JPH2: variants seen among roughly 807,000 people sequenced by gnomAD.
JPH2 encodes the protein junctophilin 2.
Under a neutral mutation model 55.9 loss-of-function variants are expected in JPH2, and 38 were observed. That is an observed-to-expected ratio of 0.68 (90% CI 0.52 to 0.89). The LOEUF (loss-of-function observed/expected upper bound fraction) is 0.89. JPH2 is among the 40% of genes least tolerant of loss of function. The pLI is 0.00. For missense variants in JPH2, 964 were observed against 1,037.6 expected (o/e 0.93, Z 0.97); for synonymous variants, 480 against 472.4 (o/e 1.02, Z -0.21).
intron 2 of JPH2, among the ~76,000 whole-genome samples, chr20:44,154,465 T>A (rs2072551443): frequency 2.0e-5 from 3 of 152,254 alleles, no homozygotes; most frequent in Admixed American, 2.0e-4. Context: ...AGTAGCCATG[T>A]ATGGCAAGTG....
intron 2 of JPH2, among the ~76,000 whole-genome samples, chr20:44,124,646 T>A (rs2072263024): frequency 6.7e-6 from 1 of 149,828 alleles, no homozygotes; most frequent in Non-Finnish European, 1.5e-5. Flanking sequence ...AGATCCCAAC[T>A]CTATCTTAAA....
At chr20:44,156,007 G>A (rs569510475) in intron 2 of JPH2, among the ~76,000 whole-genome samples, 1 of 151,208 alleles carries the variant, frequency 6.6e-6, no homozygotes. Flanking sequence ...CTGCACTCCA[G>A]CCTGGGCAAC....
At chr20:44,139,095 A>G (rs1176850633) in intron 2 of JPH2, among the ~76,000 whole-genome samples, 1 of 152,154 alleles carries the variant, frequency 6.6e-6, no homozygotes, top group Non-Finnish European at 1.5e-5. Context: ...ATAGCTGCCC[A>G]TGACTGGGAC....
At chr20:44,156,258 T>C (rs1306548627) in intron 2 of JPH2, among the ~76,000 whole-genome samples, 3 of 152,220 alleles carry the variant, frequency 2.0e-5, no homozygotes, top group African/African-American at 7.2e-5. Context: ...AAATGTATTA[T>C]GATAACGTAA....
At chr20:44,177,118 T>C in intron 1 of JPH2, 2 of 985,282 alleles carry the variant, frequency 2.0e-6, no homozygotes, top group Non-Finnish European at 2.4e-6. Flanking sequence ...AAGCAGGGAG[T>C]GAAAGTTACA....
rs1178090276 is a variant in JPH2, at chr20:44,159,676, C to T, written c.1111G>A (p.Glu371Lys). The T allele has an allele frequency of 6.2e-7, 1 of 1,612,166 alleles. No individual in the cohort carries two copies. Among genetic ancestry groups the T allele is most frequent in the Admixed American group, 1.7e-5 (1 of 60,016 alleles). Reference sequence around the variant, plus strand: ...ATAGCAGCGGCGCGCTGGGCACCCTCCACACTGTGCTCCACTTTCTGGCGG... The same window carrying T: ...ATAGCAGCGGCGCGCTGGGCACCCTTCACACTGTGCTCCACTTTCTGGCGG... ...KVRQKVEHSV[E>K]GAQRAAAIAR... Residue 371 changes from glutamate (E) to lysine (K), a missense_variant, in exon 2 of 6, where the codon GAG (glutamate) becomes AAG (lysine). Transcript: ENST00000372980. This position sits in a 1 kb window ranked among gnomAD's most constrained non-coding sequence, Gnocchi z 5.7.
At chr20:44,131,193 T>G (rs939606460) in intron 2 of JPH2, among the ~76,000 whole-genome samples, 10 of 152,192 alleles carry the variant, frequency 6.6e-5, no homozygotes, top group Admixed American at 1.3e-4. Flanking sequence ...GACTGTGACT[T>G]CTCTCTTGCC....
intron 4 of JPH2, 30 bp from the exon 5 acceptor site, chr20:44,114,906 T>A (rs774948083): frequency 5.8e-6 from 9 of 1,555,962 alleles, no homozygotes; most frequent in Non-Finnish European, 7.9e-6. Flanking sequence ...GCTTCCTGAG[T>A]CCCCATGGCC....
At chr20:44,171,051 G>A (rs982871121) in intron 1 of JPH2, among the ~76,000 whole-genome samples, 2 of 152,122 alleles carry the variant, frequency 1.3e-5, no homozygotes, top group Admixed American at 6.6e-5. Context: ...TTCATAAGAT[G>A]CAACTCTCAG....
At chr20:44,158,396 T>C (rs1002372346) in intron 2 of JPH2, among the ~76,000 whole-genome samples, 1 of 152,190 alleles carries the variant, frequency 6.6e-6, no homozygotes, top group African/African-American at 2.4e-5. Context: ...GGTGGGAACC[T>C]GATTAGAAAA....
intron 2 of JPH2, among the ~76,000 whole-genome samples, chr20:44,155,204 T>C (rs914954855): frequency 3.9e-5 from 6 of 152,188 alleles, no homozygotes; most frequent in Admixed American, 6.5e-5. Flanking sequence ...TTAGCTCGCA[T>C]ACTCCTTCTA....
chr20:44,121,028 A>T (rs2072232401), intron 2 of JPH2, among the ~76,000 whole-genome samples: 1 of 151,262 alleles, frequency 6.6e-6, no homozygotes, highest in Non-Finnish European at 1.5e-5. Context: ...AATAAAAAGT[A>T]CCTAATTATA....
chr20:44,138,414 T>G (rs1422359425), intron 2 of JPH2, among the ~76,000 whole-genome samples: 1 of 152,060 alleles, frequency 6.6e-6, no homozygotes, highest in East Asian at 1.9e-4. Flanking sequence ...AGTCTGGCTC[T>G]TTCGCCCAGG....
In JPH2 at chr20:44,160,877, A is replaced by G. The variant is rs2072605564; in HGVS notation, c.380-470T>C. Among the ~76,000 whole-genome samples, 2 of 152,162 alleles carry G rather than the reference A, an allele frequency of 1.3e-5. No homozygotes were observed. Among genetic ancestry groups the G allele is most frequent in the Admixed American group, 1.3e-4 (2 of 15,280 alleles). ...GGCGGATGGATCGCTTGAGCTCAGG[A>G]GTTCAAGACCAACCTGGGCAACATG... On this transcript the variant is annotated intron_variant, in intron 1 of 5. Transcript: ENST00000372980. The surrounding 1 kb of genome is among the most constrained non-coding windows in gnomAD (Gnocchi z 4.9).
chr20:44,165,725 G>A (rs543523920), intron 1 of JPH2, among the ~76,000 whole-genome samples: 57 of 152,114 alleles, frequency 3.7e-4, no homozygotes, highest in African/African-American at 1.4e-3. Flanking sequence ...GCTGCACAGG[G>A]GCCATGGAAC....
At chr20:44,118,007 G>A (rs577317730) in intron 3 of JPH2, among the ~76,000 whole-genome samples, 1 of 152,280 alleles carries the variant, frequency 6.6e-6, no homozygotes, top group South Asian at 2.1e-4. Flanking sequence ...CTGGGAAGCA[G>A]CGGAATCAGG....
chr20:44,186,660 C>T lies in JPH2; in HGVS notation c.46G>A (p.Gly16Arg). The T allele has an allele frequency of 6.2e-7, 1 of 1,605,370 alleles. No homozygotes were observed. Among genetic ancestry groups the T allele is most frequent in the Non-Finnish European group, 8.5e-7 (1 of 1,179,522 alleles). ...FDFDDGGAYC[G>R]GWEGGKAHGH... ...TGGGCCTTTCCCCCCTCCCAGCCCCCGCAGTACGCCCCTCCATCATCAAAG... is the reference window on the plus strand; with the variant it reads ...TGGGCCTTTCCCCCCTCCCAGCCCCTGCAGTACGCCCCTCCATCATCAAAG... The change falls in exon 1 of 6, where the codon GGG (glycine) becomes AGG (arginine). Residue 16 changes from glycine (G) to arginine (R), a missense_variant. Coordinates refer to ENST00000372980, the MANE Select transcript of JPH2 (RefSeq NM_020433.5).
Position 44,114,882 on chromosome 20 carries a change from A to G in JPH2, c.2011-6T>C. On this transcript the variant is annotated splice_polypyrimidine_tract_variant and splice_region_variant and intron_variant, in intron 4 of 5. Transcript: ENST00000372980. ...ATGAGGATGGTGTTGGGGACCTGGG[A>G]GCAGTGGAGAGAGGCTTCCTGAGTC... The G allele has an allele frequency of 6.3e-7, 1 of 1,595,624 alleles. No homozygotes were observed. The highest frequency in any genetic ancestry group is 8.5e-7 in the Non-Finnish European group (1 of 1,171,728).
In JPH2 at chr20:44,109,585, G is replaced by A. The variant is rs372861640; in HGVS notation, c.*3933C>T. ...CAGCAAGACAGGCTGAGAGAGTGAG[G>A]GAGTGGGAACTGGCCTCCATAGGCA... On this transcript the variant is annotated 3_prime_UTR_variant, in exon 6 of 6. Transcript: ENST00000372980. Among the ~76,000 whole-genome samples, 1 of 152,206 alleles carries A rather than the reference G, an allele frequency of 6.6e-6. No individual in the cohort carries two copies. The highest frequency in any genetic ancestry group is 1.5e-5 in the Non-Finnish European group (1 of 68,038).
Sources: allele counts gnomAD v4.1 joint callset (sites outside exome capture counted in the v4.1 genomes callset), GRCh38; gene constraint gnomAD v4.1.1; non-coding constraint Gnocchi (gnomAD v3.1); transcripts MANE v1.5; gene names NCBI Gene and HGNC (gene_info 2026-07-23, HGNC 2026-07-21).